The following SLC44A1 variants were observed in gnomAD, a reference collection of about 807,000 sequenced individuals.
SLC44A1 encodes choline transporter-like protein 1.
SLC44A1 carries 26 observed loss-of-function variants against 79.3 expected under a neutral mutation model. The observed-to-expected ratio is 0.33, with a 90% confidence interval of 0.24 to 0.46. SLC44A1 has a LOEUF of 0.46. SLC44A1 is among the 20% of genes least tolerant of loss of function. The pLI is 1.00. For synonymous variants in SLC44A1, 263 were observed against 286.2 expected (o/e 0.92, Z 0.82); for missense variants, 688 against 798.1 (o/e 0.86, Z 1.66).
At chr9:105,398,395 C>CTGGAGGAATTTGAGATTCTGT (rs1183244395), downstream of SLC44A1, among the ~76,000 whole-genome samples, 5 of 152,154 alleles carry the variant, frequency 3.3e-5, no homozygotes. Flanking sequence ...GTCTTAAACA[C>CTGGAGGAATTTGAGATTCTGT]TGGAGGAATT....
At chr9:105,308,760 A>G (rs542136434) in intron 2 of SLC44A1, among the ~76,000 whole-genome samples, 20 of 152,338 alleles carry the variant, frequency 1.3e-4, no homozygotes, top group Admixed American at 4.6e-4. Flanking sequence ...CCAGTTTACT[A>G]AAGATAATAA....
intron 1 of SLC44A1, among the ~76,000 whole-genome samples, chr9:105,259,197 A>G (rs1829785233): frequency 1.3e-5 from 2 of 152,196 alleles, no homozygotes; most frequent in Non-Finnish European, 2.9e-5. Flanking sequence ...CTAAGTCTGA[A>G]CAAGTCTGTC....
intron 1 of SLC44A1, among the ~76,000 whole-genome samples, chr9:105,281,441 G>A (rs1236363861): frequency 1.3e-5 from 2 of 152,010 alleles, no homozygotes; most frequent in Non-Finnish European, 2.9e-5. Context: ...TCATAAATGT[G>A]GTCACCAGAA....
At chr9:105,436,689 G>T (rs1035806631) in intron 15 of SLC44A1, among the ~76,000 whole-genome samples, 3 of 152,162 alleles carry the variant, frequency 2.0e-5, no homozygotes, top group Admixed American at 6.5e-5. Context: ...CTAATGTGGC[G>T]AAAGCAACAA....
chr9:105,310,402 C>A (rs561862964), intron 3 of SLC44A1, among the ~76,000 whole-genome samples: 2 of 152,138 alleles, frequency 1.3e-5, no homozygotes, highest in South Asian at 4.1e-4. Context: ...AAATTCCTGA[C>A]TTAATTGACT....
At chr9:105,379,866 A>G (rs1282438511) in intron 13 of SLC44A1, among the ~76,000 whole-genome samples, 2 of 152,214 alleles carry the variant, frequency 1.3e-5, no homozygotes, top group African/African-American at 4.8e-5. Flanking sequence ...CCATTTGGTA[A>G]TATCTTTTCT....
intron 3 of SLC44A1, among the ~76,000 whole-genome samples, chr9:105,331,871 T>G (rs1371642294): frequency 1.3e-5 from 2 of 152,212 alleles, no homozygotes; most frequent in Non-Finnish European, 2.9e-5. Context: ...GCCTGGTGGT[T>G]AGGCCTCAAG....
intron 1 of SLC44A1, among the ~76,000 whole-genome samples, chr9:105,286,143 A>C (rs575707403): frequency 3.9e-5 from 6 of 152,198 alleles, no homozygotes; most frequent in Non-Finnish European, 7.4e-5. Context: ...TGTAGAATGT[A>C]CTGCGGTATT....
Position 105,389,382 on chromosome 9 carries a change from G to A in SLC44A1, c.*326G>A, listed in dbSNP as rs1828707685. 9.4e-7 allele frequency: 1 copy of A among 1,068,770 alleles called. No individual in the cohort carries two copies. The highest frequency in any genetic ancestry group is 1.7e-5 in the African/African-American group (1 of 60,334). 66.2% of individuals were successfully genotyped at this position (1,068,770 alleles called of 1,614,324 possible). On this transcript the variant is annotated 3_prime_UTR_variant, in exon 16 of 16. Transcript: ENST00000374720. ...TCTGATTAACATTTTTAATAACTTA[G>A]AGGAGATTTTAACTTTATTTAAAAA...
chr9:105,304,967 T>G lies in SLC44A1; in HGVS notation c.127-4757T>G, dbSNP rs1399504649. On this transcript the variant is annotated intron_variant, in intron 2 of 15. Transcript: ENST00000374720. ...TCGTTTTTTTTTTTTTTTTTTTTTT[T>G]TTTTTTTTTTTTTTTTTTTCAGAGT... Among the ~76,000 whole-genome samples, 95 of 119,052 alleles carry G rather than the reference T, an allele frequency of 8.0e-4. 1 individual carries two copies. Among genetic ancestry groups the G allele is most frequent in the Middle Eastern group, 3.8e-3 (1 of 262 alleles). The allele number at this position is 119,052 out of a possible 152,430, so 78.1% of individuals were successfully genotyped here. A position where few individuals can be genotyped will look rare whatever the true frequency, so the allele number is the denominator to read the frequency against.
At chr9:105,349,184 G>GCA (rs1029859153) in intron 5 of SLC44A1, among the ~76,000 whole-genome samples, 1 of 152,032 alleles carries the variant, frequency 6.6e-6, no homozygotes, top group Non-Finnish European at 1.5e-5. Flanking sequence ...GTATATTTGT[G>GCA]CACACACACA....
chr9:105,320,836 G>A (rs528370539), intron 3 of SLC44A1, among the ~76,000 whole-genome samples: 2 of 152,224 alleles, frequency 1.3e-5, no homozygotes, highest in South Asian at 2.1e-4. Context: ...TCTAATGACC[G>A]ATGATGTTGA....
chr9:105,404,815 G>A (rs934945646), intron 15 of SLC44A1, among the ~76,000 whole-genome samples: 2 of 152,178 alleles, frequency 1.3e-5, no homozygotes, highest in African/African-American at 2.4e-5. Context: ...GGTAACCTGC[G>A]AAAGCCACAA....
intron 3 of SLC44A1, among the ~76,000 whole-genome samples, chr9:105,317,701 G>A (rs573200209): frequency 1.7e-4 from 26 of 152,134 alleles, no homozygotes; most frequent in African/African-American, 6.3e-4. Context: ...AGAGAAGACT[G>A]GCACACACAG....
At chr9:105,266,353 G>A (rs73510246) in intron 1 of SLC44A1, among the ~76,000 whole-genome samples, 6,292 of 152,214 alleles carry the variant, frequency 0.041, 440 homozygotes, top group African/African-American at 0.14. Flanking sequence ...AATGAATTAT[G>A]CTTTTGATAT....
chr9:105,422,074 G>A (rs1208345014), intron 15 of SLC44A1, among the ~76,000 whole-genome samples: 5 of 152,164 alleles, frequency 3.3e-5, no homozygotes, highest in Non-Finnish European at 5.9e-5. Flanking sequence ...TCCTACCTGA[G>A]TGATGACAAT....
At chr9:105,364,860 T>A in intron 10 of SLC44A1, 140 bp downstream of exon 10, 1 of 604,346 alleles carries the variant, frequency 1.7e-6, no homozygotes, top group South Asian at 2.5e-5. Context: ...TGACAGAGTG[T>A]TATATATAGT....
In SLC44A1 at chr9:105,354,039, C is replaced by CTTTTTTTTTTTTTTTTTTT. The variant is rs556502972; in HGVS notation, c.501-2162_501-2144dup. On this transcript the variant is annotated intron_variant, in intron 5 of 15. Transcript: ENST00000374720. ...TTGACTTAGAAATTTACAGTTAATC[C>CTTTTTTTTTTTTTTTTTTT]TTTTTTTTTTTTTTTTTTTTTTTTT... is the stretch of plus-strand genomic sequence containing the variant. Among the ~76,000 whole-genome samples the CTTTTTTTTTTTTTTTTTTT allele has an allele frequency of 4.1e-5, 4 of 98,484 alleles. 1 individual carries two copies. The highest frequency in any genetic ancestry group is 2.0e-4 in the African/African-American group (4 of 19,764). The allele number at this position is 98,484 out of a possible 152,430, so 64.6% of individuals were successfully genotyped here.
intron 14 of SLC44A1, among the ~76,000 whole-genome samples, chr9:105,384,663 A>G (rs1414539729): frequency 2.0e-5 from 3 of 152,328 alleles, no homozygotes; most frequent in Admixed American, 6.5e-5. Context: ...CTCTTTTGTG[A>G]CTAAAGCATT....
Sources: gnomAD v4.1 joint callset for allele counts (sites outside exome capture counted in the v4.1 genomes callset) on GRCh38, gnomAD v4.1.1 for gene constraint, MANE v1.5 for transcripts, NCBI Gene and HGNC (gene_info 2026-07-23, HGNC 2026-07-21) for gene names.